The following FRYL variants were observed in gnomAD, a reference collection of about 807,000 sequenced individuals.
FRYL encodes the protein FRY like transcription coactivator.
In FRYL, 150 loss-of-function variants were observed where a neutral mutation model predicts 351.2. The observed-to-expected ratio is 0.43, with a 90% CI of 0.37 to 0.49. FRYL has a LOEUF of 0.49. Ranked by LOEUF, FRYL falls within the 20% of genes least tolerant of loss-of-function variation. FRYL has a pLI of 0.00. For synonymous variants in FRYL, 1,153 were observed against 1,257.1 expected (o/e 0.92, Z 1.75); for missense variants, 3,036 against 3,619.3 (o/e 0.84, Z 4.13).
chr4:48,718,836 T>C (rs2149605483), intron 1 of FRYL, among the ~76,000 whole-genome samples: 1 of 151,502 alleles, frequency 6.6e-6, no homozygotes, highest in Middle Eastern at 3.4e-3. Flanking sequence ...AGGTGACCAT[T>C]ATGCTCCCCC....
intron 2 of FRYL, among the ~76,000 whole-genome samples, chr4:48,699,161 T>G (rs2149572538): frequency 6.6e-6 from 1 of 152,354 alleles, no homozygotes; most frequent in African/African-American, 2.4e-5. Flanking sequence ...TATATGGAGT[T>G]GAGATAAAAT....
intron 41 of FRYL, 24 bp downstream of exon 41, chr4:48,547,560 A>C: frequency 7.2e-7 from 1 of 1,382,240 alleles, no homozygotes; most frequent in Non-Finnish European, 9.8e-7. Flanking sequence ...TTCTACTTTC[A>C]AATTGTACAT....
intron 3 of FRYL, among the ~76,000 whole-genome samples, chr4:48,660,655 T>C (rs1216615977): frequency 1.3e-5 from 2 of 152,118 alleles, no homozygotes; most frequent in African/African-American, 2.4e-5. Context: ...GTAATTTCAT[T>C]ATGGAGAAAC....
At chr4:48,599,593 T>C (rs1248650180) in intron 13 of FRYL, among the ~76,000 whole-genome samples, 1 of 152,186 alleles carries the variant, frequency 6.6e-6, no homozygotes, top group African/African-American at 2.4e-5. Context: ...TCAGTGCTTA[T>C]ATCCAACAAC....
intron 1 of FRYL, among the ~76,000 whole-genome samples, chr4:48,718,281 TTTAA>T (rs780674356): frequency 1.3e-5 from 2 of 151,660 alleles, no homozygotes; most frequent in Non-Finnish European, 1.5e-5. Context: ...AATCATGTAA[TTTAA>T]TTAAGGCAAG....
intron 1 of FRYL, among the ~76,000 whole-genome samples, chr4:48,744,345 A>G (rs1479412684): frequency 6.6e-6 from 1 of 152,110 alleles, no homozygotes; most frequent in Non-Finnish European, 1.5e-5. Flanking sequence ...GAAGGAGGGG[A>G]AGGAGAGAGG....
In FRYL at chr4:48,620,709, A is replaced by G; in HGVS notation, c.244T>C (p.Tyr82His). 6.2e-7 allele frequency: 1 copy of G among 1,613,956 alleles called. No homozygotes were observed. The highest frequency in any genetic ancestry group is 8.5e-7 in the Non-Finnish European group (1 of 1,179,872). ...TCTTCCGTTCCATTTTGGCGTCTGT[A>G]CCAGTCAAACAAGGTGCGAAGTAAG... is the stretch of plus-strand genomic sequence containing the variant. ...PSLLRTLFDW[Y>H]RRQNGTEDES... The change falls in exon 6 of 64, where the codon TAC (tyrosine) becomes CAC (histidine). Residue 82 changes from tyrosine (Y) to histidine (H), a missense_variant. Tyr to His is a moderately conservative substitution (Grantham distance 83, BLOSUM62 2). Around this residue, in one of 7 missense-constraint regions of FRYL, gnomAD observed 457 missense variants for 566.6 expected, o/e 0.81. Coordinates refer to ENST00000358350, the MANE Select transcript of FRYL (RefSeq NM_015030.2).
At chr4:48,616,801 C>T (rs1051430843) in intron 7 of FRYL, among the ~76,000 whole-genome samples, 1 of 152,202 alleles carries the variant, frequency 6.6e-6, no homozygotes, top group Non-Finnish European at 1.5e-5. Context: ...TGCCTCATCA[C>T]AATAAACCTG....
At chr4:48,612,365 C>T (rs1012384375) in intron 7 of FRYL, among the ~76,000 whole-genome samples, 8 of 152,222 alleles carry the variant, frequency 5.3e-5, no homozygotes, top group African/African-American at 9.6e-5. Context: ...GAGCCCCAGG[C>T]GCTAAATCCA....
chr4:48,557,781 A>G, intron 33 of FRYL, 69 bp from the exon 34 acceptor site: 1 of 1,558,198 alleles, frequency 6.4e-7, no homozygotes. Context: ...ATTAATTCCA[A>G]CAGATTTCAG....
intron 55 of FRYL, among the ~76,000 whole-genome samples, chr4:48,518,892 C>G (rs1724257262): frequency 6.6e-6 from 1 of 152,240 alleles, no homozygotes; most frequent in Admixed American, 6.5e-5. Flanking sequence ...GTCTCTCCTA[C>G]TAGAATGAAG....
At position 48,505,834 on chromosome 4, in the gene FRYL, T is replaced by C. The variant is rs762200220; in HGVS notation, c.8395-219A>G. On this transcript the variant is annotated intron_variant, in intron 59 of 63. Transcript: ENST00000358350. ...AAGAGGCACACACTTGTGACAGCTA[T>C]ACTAACAAAACCCATTCCATTCTAG... The C allele has an allele frequency of 8.8e-6, 4 of 456,788 alleles. No individual in the cohort carries two copies. In the South Asian group the frequency reaches 1.3e-4, roughly 15 times the overall value. 28.3% of individuals were successfully genotyped at this position (456,788 alleles called of 1,614,324 possible).
Position 48,543,941 on chromosome 4 carries a change from A to G in FRYL, c.5458T>C (p.Cys1820Arg), listed in dbSNP as rs1481295061. The G allele has an allele frequency of 1.2e-6, 2 of 1,613,936 alleles. No homozygotes were observed. The highest frequency in any genetic ancestry group is 4.5e-5 in the East Asian group (2 of 44,874). The change falls in exon 44 of 64, where the codon TGT becomes CGT. Residue 1820 changes from cysteine (C) to arginine (R), a missense_variant. By Grantham distance (180) the Cys-to-Arg change is radical. Coordinates refer to ENST00000358350, the MANE Select transcript of FRYL (RefSeq NM_015030.2). The part of the protein sequence containing the change: ...SEVALQTALS[C>R]SSRHYAGRSF... ...CTCCCAGCATAGTGTCGAGAAGAAC[A>G]GGAAAGTGCTGTTTGCAGAGCAACT...
Position 48,546,190 on chromosome 4 carries a change from C to A in FRYL, c.5156G>T (p.Ser1719Ile). 7 of 1,613,762 alleles carry A rather than the reference C, an allele frequency of 4.3e-6. No individual in the cohort carries two copies. The highest frequency in any genetic ancestry group is 5.9e-6 in the Non-Finnish European group (7 of 1,179,830). ...SGLSSSSTSS[S>I]ISLGNNSAAI... ...AGCACTGTTATTTCCTAAGCTGATA[C>A]TAGAAGAGGTAGAACTTGAGCTAAG... The change falls in exon 42 of 64, where the codon AGT (serine) becomes ATT (isoleucine). Residue 1719 changes from serine to isoleucine, a missense_variant. Around this residue, in one of 7 missense-constraint regions of FRYL, gnomAD observed 1,987 missense variants for 2,311.7 expected, o/e 0.86. Transcript: ENST00000358350.
At chr4:48,669,591 A>G (rs1191451333) in intron 3 of FRYL, among the ~76,000 whole-genome samples, 8 of 148,938 alleles carry the variant, frequency 5.4e-5, no homozygotes, top group Non-Finnish European at 1.2e-4. Context: ...TATATGTAAA[A>G]TTATATTAAA....
At chr4:48,745,914 G>A (rs2149656729) in intron 1 of FRYL, among the ~76,000 whole-genome samples, 1 of 152,214 alleles carries the variant, frequency 6.6e-6, no homozygotes, top group South Asian at 2.1e-4. Context: ...GAAGATGATT[G>A]ATTTAAAGAT....
chr4:48,512,711 T>C (rs569692655), intron 56 of FRYL, 23 bp from the exon 57 acceptor site: 2 of 1,538,174 alleles, frequency 1.3e-6, no homozygotes, highest in East Asian at 4.5e-5. Flanking sequence ...ATATCATAAA[T>C]ATCATAACAC....
At chr4:48,665,547 T>C (rs1369854199) in intron 3 of FRYL, among the ~76,000 whole-genome samples, 4 of 152,240 alleles carry the variant, frequency 2.6e-5, no homozygotes, top group Non-Finnish European at 5.9e-5. Context: ...GCATATTTAT[T>C]TTATTGTCTT....
chr4:48,580,816 G>T (rs878918652), intron 22 of FRYL, 49 bp downstream of exon 22: 1 of 1,170,312 alleles, frequency 8.5e-7, no homozygotes, highest in Non-Finnish European at 1.3e-6. Flanking sequence ...ATATGTGTCT[G>T]TCATAAGTCT....
Sources: gnomAD v4.1 joint callset for allele counts (sites outside exome capture counted in the v4.1 genomes callset) on GRCh38, gnomAD v4.1.1 for gene constraint, gnomAD v4.1.1 regional missense constraint, MANE v1.5 for transcripts, NCBI Gene and HGNC (gene_info 2026-07-23, HGNC 2026-07-21) for gene names.